COL22A1: variants seen among roughly 807,000 people sequenced by gnomAD.
The protein encoded by COL22A1 is collagen type XXII alpha 1 chain.
Under a neutral mutation model 248.9 loss-of-function variants are expected in COL22A1, and 221 were observed. That is an observed-to-expected ratio of 0.89 (90% CI 0.80 to 0.99). COL22A1 has a LOEUF of 0.99. Among genes scored for constraint, COL22A1 ranks in the 50% least tolerant of loss-of-function variants. The pLI is 0.00. For missense variants in COL22A1, 2,240 were observed against 2,179.0 expected, an observed-to-expected ratio of 1.03 and a Z score of -0.56; for synonymous variants, 891 against 793.4, an observed-to-expected ratio of 1.12 and a Z score of -2.07.
chr8:138,599,731 A>G (rs1817849339), intron 60 of COL22A1, among the ~76,000 whole-genome samples: 1 of 152,212 alleles, frequency 6.6e-6, no homozygotes, highest in Non-Finnish European at 1.5e-5. Flanking sequence ...TTTTTTAAAA[A>G]AGAAAGGAAA....
At chr8:138,648,359 G>A (rs1300931375) in intron 46 of COL22A1, among the ~76,000 whole-genome samples, 1 of 152,236 alleles carries the variant, frequency 6.6e-6, no homozygotes, top group East Asian at 1.9e-4. Flanking sequence ...AAGGCTCAGA[G>A]AGTCAGAATA....
chr8:138,715,875 A>T, intron 29 of COL22A1, 140 bp from the exon 30 acceptor site: 1 of 665,070 alleles, frequency 1.5e-6, no homozygotes, highest in Non-Finnish European at 2.6e-6. Context: ...CCTTATCAGC[A>T]AAGTGGCCAC....
chr8:138,590,458 C>T (rs947304091), intron 64 of COL22A1, among the ~76,000 whole-genome samples: 2 of 152,096 alleles, frequency 1.3e-5, no homozygotes, highest in Admixed American at 1.3e-4. Flanking sequence ...GCCATTTACT[C>T]TTTATTTGAA....
At chr8:138,626,306 C>T in intron 50 of COL22A1, 63 bp from the exon 51 acceptor site, 1 of 1,331,748 alleles carries the variant, frequency 7.5e-7, no homozygotes, top group Non-Finnish European at 1.1e-6. Context: ...AAGTAAATGA[C>T]TTCACAAGGA....
At chr8:138,713,486 G>A (rs990673964) in intron 30 of COL22A1, among the ~76,000 whole-genome samples, 27 of 152,192 alleles carry the variant, frequency 1.8e-4, no homozygotes, top group African/African-American at 6.3e-4. Flanking sequence ...TTCCCCGCAC[G>A]CTGTTCAAGC....
intron 4 of COL22A1, among the ~76,000 whole-genome samples, chr8:138,843,375 G>T (rs1821021116): frequency 6.6e-6 from 1 of 152,188 alleles, no homozygotes; most frequent in Admixed American, 6.5e-5. Flanking sequence ...ATGCAGGAGG[G>T]AGAGGAGAGA....
At position 138,796,828 on chromosome 8, in the gene COL22A1, C is replaced by G. The variant is rs1309031367; in HGVS notation, c.1587G>C (p.Lys529Asn). The G allele has an allele frequency of 5.6e-6, 9 of 1,601,198 alleles. No individual in the cohort carries two copies. Among genetic ancestry groups the G allele is most frequent in the Non-Finnish European group, 7.7e-6 (9 of 1,168,462 alleles). The change falls in exon 12 of 65, where the codon AAG (lysine) becomes AAC (asparagine). Residue 529 changes from lysine to asparagine, a missense_variant. Lys to Asn is a moderately conservative substitution (Grantham distance 94). Coordinates refer to ENST00000303045, the MANE Select transcript of COL22A1 (RefSeq NM_152888.3). ...VGIGPFGQGE[K>N]GEKGSLGLPG... ...AAAGGAAGATGCTTACCTTTTCACC[C>G]TTTTCCCCTTGGCCAAAAGGTCCTA...
At position 138,821,220 on chromosome 8, in the gene COL22A1, T is replaced by A. The variant is rs1819096204; in HGVS notation, c.1161A>T (p.Thr387=). The A allele has an allele frequency of 2.5e-6, 4 of 1,614,228 alleles. No homozygotes were observed. Among genetic ancestry groups the A allele is most frequent in the Middle Eastern group, 3.3e-4 (2 of 6,062 alleles). The change falls in exon 7 of 65, where the codon ACA becomes ACT. Residue 387 remains threonine, a synonymous_variant. Coordinates refer to ENST00000303045, the MANE Select transcript of COL22A1 (RefSeq NM_152888.3). ...SLHIDCALVQ[T]LPIEERENID... is the part of the protein sequence containing the mutation. ...TGTTCTCCCGTTCCTCGATGGGTAG[T>A]GTCTGCACCAGCGCACAGTCAATGT...
intron 30 of COL22A1, among the ~76,000 whole-genome samples, chr8:138,714,140 G>A (rs1294629053): frequency 6.6e-6 from 1 of 152,174 alleles, no homozygotes; most frequent in Non-Finnish European, 1.5e-5. Context: ...AAGGCAAGTG[G>A]CAGTCTGGAG....
chr8:138,671,212 G>C lies in COL22A1; in HGVS notation c.3150+5346C>G, dbSNP rs144052760. On this transcript the variant is annotated intron_variant, in intron 41 of 64. Coordinates refer to ENST00000303045, the MANE Select transcript of COL22A1 (RefSeq NM_152888.3). The stretch of plus-strand genomic sequence containing the variant: ...AGAAAAAGTAAGGTATGTCATGAAT[G>C]CATAAAATATAGAGAGATACTAGTC... Among the ~76,000 whole-genome samples the C allele has an allele frequency of 2.5e-3, 380 of 152,212 alleles. 3 individuals carry two copies. Among genetic ancestry groups the C allele is most frequent in the African/African-American group, 8.8e-3 (367 of 41,536 alleles).
Position 138,829,403 on chromosome 8 carries a change from G to T in COL22A1, c.846-2622C>A, listed in dbSNP as rs1258850425. On this transcript the variant is annotated intron_variant, in intron 5 of 64. Transcript: ENST00000303045. ...CTTTTCTTTATTTCCTTCCTTTCCT[G>T]TTTTTTTTTTTTTTTTTTTTTGAGA... 7.2e-3 allele frequency among the ~76,000 whole-genome samples: 654 copies of T among 90,262 alleles called. 1 individual carries two copies. The highest frequency in any genetic ancestry group is 0.012 in the Middle Eastern group (1 of 82). 59.2% of individuals were successfully genotyped at this position (90,262 alleles called of 152,430 possible).
rs1833378346 is a variant in COL22A1 at position 138,760,412 on chromosome 8, C to T, written c.1858-125G>A. 4 of 798,488 alleles carry T rather than the reference C, an allele frequency of 5.0e-6. No homozygotes were observed. In the East Asian group the frequency reaches 1.3e-4, roughly 26 times the overall value. 49.5% of individuals were successfully genotyped at this position (798,488 alleles called of 1,614,324 possible). On this transcript the variant is annotated intron_variant, in intron 17 of 64. Coordinates refer to ENST00000303045, the MANE Select transcript of COL22A1 (RefSeq NM_152888.3). ...TAGACTTTTCTTCAGAAGCCAAAGT[C>T]CCTTTAGACCTGACTTTCTGGACTG... is the stretch of plus-strand genomic sequence containing the variant.
chr8:138,781,649 C>G (rs1413364926), intron 12 of COL22A1, among the ~76,000 whole-genome samples: 3 of 152,162 alleles, frequency 2.0e-5, no homozygotes, highest in Non-Finnish European at 4.4e-5. Context: ...AGCTCCTCAC[C>G]CCACTTTCTA....
intron 4 of COL22A1, among the ~76,000 whole-genome samples, chr8:138,843,765 T>C (rs1296846388): frequency 2.0e-5 from 3 of 152,254 alleles, no homozygotes; most frequent in African/African-American, 7.2e-5. Flanking sequence ...ATTCAGTCGT[T>C]TGCTCACTTT....
intron 49 of COL22A1, among the ~76,000 whole-genome samples, chr8:138,634,598 C>T (rs1195781654): frequency 6.6e-6 from 1 of 152,036 alleles, no homozygotes; most frequent in Non-Finnish European, 1.5e-5. Flanking sequence ...GCTCAGGGGG[C>T]CCAGTGGAGA....
At chr8:138,716,203 G>A (rs1166054666) in intron 29 of COL22A1, 24 bp downstream of exon 29, 3 of 1,560,406 alleles carry the variant, frequency 1.9e-6, no homozygotes, top group African/African-American at 1.3e-5. Flanking sequence ...TCCTGTGTGG[G>A]AGGAAGGAAG....
intron 16 of COL22A1, 122 bp from the exon 17 acceptor site, chr8:138,762,588 G>A (rs1833576924): frequency 1.3e-5 from 7 of 551,020 alleles, no homozygotes; most frequent in Admixed American, 3.1e-5. Flanking sequence ...AAACGCACGT[G>A]CACACACACA....
chr8:138,874,883 C>T (rs973320928), intron 3 of COL22A1, among the ~76,000 whole-genome samples: 3 of 152,204 alleles, frequency 2.0e-5, no homozygotes. Flanking sequence ...AAGGTTCCTA[C>T]AGGGCCACCC....
intron 32 of COL22A1, among the ~76,000 whole-genome samples, chr8:138,698,675 T>C (rs939662292): frequency 6.7e-6 from 1 of 149,842 alleles, no homozygotes; most frequent in African/African-American, 2.5e-5. Flanking sequence ...ATGCAGTGAG[T>C]ACCTGCCATG....
Sources: gnomAD v4.1 joint callset for allele counts (sites outside exome capture counted in the v4.1 genomes callset) on GRCh38, gnomAD v4.1.1 for gene constraint, MANE v1.5 for transcripts, NCBI Gene and HGNC (gene_info 2026-07-23, HGNC 2026-07-21) for gene names.